Variants in IFT43 observed in about 807,000 individuals in gnomAD.
The protein encoded by IFT43 is intraflagellar transport protein 43 homolog.
Under a neutral mutation model 32.3 loss-of-function variants are expected in IFT43, and 33 were observed. The observed-to-expected ratio is 1.02, with a 90% confidence interval of 0.77 to 1.37. IFT43 has a LOEUF of 1.37. Among genes scored for constraint, IFT43 ranks in the 40% most tolerant of loss-of-function variants. The probability of loss-of-function intolerance (pLI) is 0.00; values close to 1 mark genes in which losing one functional copy is unlikely to be tolerated. For missense variants in IFT43, 274 were observed against 265.9 expected, an observed-to-expected ratio of 1.03 and a Z score of -0.21; for synonymous variants, 93 against 98.2, an observed-to-expected ratio of 0.95 and a Z score of 0.31.
chr14:76,057,937 A>G (rs2037052767), intron 3 of IFT43, among the ~76,000 whole-genome samples: 1 of 152,206 alleles, frequency 6.6e-6, no homozygotes, highest in Non-Finnish European at 1.5e-5. Flanking sequence ...GAGTGTGAGT[A>G]GTGACCCACT....
intron 5 of IFT43, among the ~76,000 whole-genome samples, chr14:76,071,322 C>T (rs1336142518): frequency 2.0e-5 from 3 of 152,088 alleles, no homozygotes; most frequent in East Asian, 1.9e-4. Context: ...GGCGTTATGC[C>T]GACTGCTCTA....
In IFT43 at chr14:75,985,807, G is replaced by A. The variant is rs193921095; in HGVS notation, c.21G>A (p.Leu7=). The A allele has an allele frequency of 2.7e-4, 440 of 1,614,210 alleles. 1 individual carries two copies. In the Middle Eastern group the frequency reaches 3.8e-3, roughly 14 times the overall value. Residue 7 remains leucine (L), a synonymous_variant, in exon 1 of 9, where the codon TTG becomes TTA. Transcript: ENST00000314067. The stretch of plus-strand genomic sequence containing the variant: ...CGGAGATGGAGGATTTGCTCGACTT[G>A]GACGAGGAGCTTCGCTACAGCTTGG... MEDLLD[L]DEELRYSLAT...
At chr14:76,032,200 C>A (rs116219244) in intron 3 of IFT43, among the ~76,000 whole-genome samples, 2,128 of 152,298 alleles carry the variant, frequency 0.014, 56 homozygotes, top group African/African-American at 0.044. Context: ...AGTCTGCCAG[C>A]AAACCCTGTT....
rs1566740876 is a variant in IFT43 at position 76,083,256 on chromosome 14, C to G, written c.474C>G (p.Thr158=). The change falls in exon 8 of 9, where the codon ACC becomes ACG. Residue 158 remains threonine, a synonymous_variant. Coordinates refer to ENST00000314067, the MANE Select transcript of IFT43 (RefSeq NM_001102564.3). ...GGGAGATCGACCTGAAACTCCTCAC[C>G]AAAGTGCTCGCGCCGGAGCACGAAG... The part of the protein sequence containing the change: ...LDGEIDLKLL[T]KVLAPEHEVR... The G allele has an allele frequency of 6.2e-7, 1 of 1,614,080 alleles. No individual in the cohort carries two copies. The highest frequency in any genetic ancestry group is 2.2e-5 in the East Asian group (1 of 44,870).
chr14:76,009,319 G>T (rs966190869), intron 2 of IFT43, among the ~76,000 whole-genome samples: 1 of 152,166 alleles, frequency 6.6e-6, no homozygotes, highest in Admixed American at 6.5e-5. Context: ...TTAGTATGTA[G>T]TAGTACCCAC....
intron 2 of IFT43, among the ~76,000 whole-genome samples, chr14:76,006,420 C>T (rs949644357): frequency 1.3e-5 from 2 of 152,110 alleles, no homozygotes; most frequent in African/African-American, 2.4e-5. Context: ...CAGCCTTACT[C>T]ATTTGAGAAA....
chr14:76,011,938 A>G (rs1391443284), intron 2 of IFT43, among the ~76,000 whole-genome samples: 1 of 152,186 alleles, frequency 6.6e-6, no homozygotes, highest in Non-Finnish European at 1.5e-5. Context: ...TTCACTTGCC[A>G]AGCATATAAA....
intron 2 of IFT43, among the ~76,000 whole-genome samples, chr14:76,009,777 G>C (rs961357827): frequency 5.3e-5 from 8 of 151,984 alleles, no homozygotes; most frequent in Admixed American, 6.5e-5. Flanking sequence ...CCAGAAGCCA[G>C]ATTAGTTGGT....
At chr14:76,045,695 T>C (rs2140019064) in intron 3 of IFT43, among the ~76,000 whole-genome samples, 1 of 152,282 alleles carries the variant, frequency 6.6e-6, no homozygotes, top group South Asian at 2.1e-4. Context: ...CTGCCAAGCC[T>C]CACCTCTGTT....
At chr14:75,995,584 G>A (rs1403707488) in intron 2 of IFT43, among the ~76,000 whole-genome samples, 1 of 152,156 alleles carries the variant, frequency 6.6e-6, no homozygotes, top group East Asian at 1.9e-4. Flanking sequence ...AGCTCCCTTG[G>A]CACTTTGCAT....
At chr14:76,075,209 G>A (rs964995228) in intron 5 of IFT43, among the ~76,000 whole-genome samples, 2 of 152,182 alleles carry the variant, frequency 1.3e-5, no homozygotes, top group Admixed American at 1.3e-4. Flanking sequence ...GCATGGCTCC[G>A]TAGCCACTGT....
chr14:75,992,948 A>G (rs1318021191), intron 2 of IFT43, among the ~76,000 whole-genome samples: 2 of 152,192 alleles, frequency 1.3e-5, no homozygotes, highest in East Asian at 3.8e-4. Flanking sequence ...TGGCCCTGTC[A>G]TACATTAGCT....
At chr14:76,061,701 A>T (rs1351940328) in intron 5 of IFT43, among the ~76,000 whole-genome samples, 1 of 151,966 alleles carries the variant, frequency 6.6e-6, no homozygotes, top group Non-Finnish European at 1.5e-5. Context: ...CATTCTGTGT[A>T]TGTTTTCTTT....
intron 2 of IFT43, among the ~76,000 whole-genome samples, chr14:75,995,755 C>T (rs975002367): frequency 7.9e-5 from 12 of 152,144 alleles, no homozygotes; most frequent in South Asian, 2.1e-4. Context: ...TTTTCATAGC[C>T]GCTCTCCAAT....
In IFT43 at chr14:76,018,227, A is replaced by G. The variant is rs566472937; in HGVS notation, c.148-4100A>G. Among the ~76,000 whole-genome samples the G allele has an allele frequency of 8.6e-5, 13 of 151,142 alleles. No individual in the cohort carries two copies. The South Asian group carries it at 1.7e-3, about 19-fold the overall frequency. ...CTTGGCTCTGCTTTTGCTGTATCCC[A>G]TAGGTTTTTGTATGTTGTGTTTCTG... On this transcript the variant is annotated intron_variant, in intron 2 of 8. Transcript: ENST00000314067.
intron 5 of IFT43, among the ~76,000 whole-genome samples, chr14:76,069,077 A>G (rs547231470): frequency 5.9e-5 from 9 of 152,342 alleles, no homozygotes; most frequent in Non-Finnish European, 1.2e-4. Flanking sequence ...CAACTGGCTC[A>G]TGGTTCTGCA....
chr14:76,018,551 G>A (rs532275659), intron 2 of IFT43, among the ~76,000 whole-genome samples: 1 of 152,132 alleles, frequency 6.6e-6, no homozygotes, highest in Non-Finnish European at 1.5e-5. Flanking sequence ...TTTAGTAAAT[G>A]TCTGTTAGTT....
At chr14:76,032,840 A>G (rs575379022) in intron 3 of IFT43, among the ~76,000 whole-genome samples, 24 of 152,342 alleles carry the variant, frequency 1.6e-4, no homozygotes, top group South Asian at 1.5e-3. Flanking sequence ...TTTTGGAGGT[A>G]GAGTTAATAG....
chr14:76,071,314 C>T (rs1297802500), intron 5 of IFT43, among the ~76,000 whole-genome samples: 4 of 152,174 alleles, frequency 2.6e-5, no homozygotes, highest in South Asian at 2.1e-4. Flanking sequence ...GTGAGCCAGG[C>T]GTTATGCCGA....
Sources: gnomAD v4.1 joint callset for allele counts (sites outside exome capture counted in the v4.1 genomes callset) on GRCh38, gnomAD v4.1.1 for gene constraint, MANE v1.5 for transcripts, NCBI Gene and HGNC (gene_info 2026-07-23, HGNC 2026-07-21) for gene names.